PKIB: variants seen among roughly 807,000 people sequenced by gnomAD.
The protein encoded by PKIB is PKI-beta.
In PKIB, 2 loss-of-function variants were observed where a neutral mutation model predicts 4.5. The ratio of observed to expected loss-of-function variants is 0.44; its 90% CI spans 0.18 to 1.39. PKIB has a LOEUF of 1.39. Among genes scored for constraint, PKIB ranks in the 40% most tolerant of loss-of-function variants. PKIB has a pLI of 0.27. For synonymous variants in PKIB, 38 were observed against 36.0 expected (o/e 1.06, Z -0.20); for missense variants, 94 against 92.6 (o/e 1.02, Z -0.06).
rs111793699 is a variant in PKIB, at chr6:122,708,076, A to G, written c.-8-9711A>G. Among the ~76,000 whole-genome samples, 1,416 of 152,336 alleles carry G rather than the reference A, an allele frequency of 9.3e-3. 30 individuals carry two copies. In the East Asian group the frequency reaches 0.097, roughly 10 times the overall value. On this transcript the variant is annotated intron_variant, in intron 3 of 4. Transcript: ENST00000368452. ...ATACATCAATGAAACAACCTACAAA[A>G]ACAAAAGCTCTGCTTTGTGGAGCTT... is the stretch of plus-strand genomic sequence containing the variant.
chr6:122,571,551 C>T (rs1773367723), intron 2 of PKIB, among the ~76,000 whole-genome samples: 1 of 152,202 alleles, frequency 6.6e-6, no homozygotes, highest in African/African-American at 2.4e-5. Context: ...CAGCAGATTT[C>T]TCAGCAGAAA....
intron 3 of PKIB, among the ~76,000 whole-genome samples, chr6:122,683,456 C>T (rs1340714826): frequency 2.0e-5 from 3 of 152,236 alleles, no homozygotes; most frequent in South Asian, 2.1e-4. Context: ...AAGGAATTCA[C>T]CCCCCATGAT....
intron 2 of PKIB, among the ~76,000 whole-genome samples, chr6:122,491,188 T>C (rs548233722): frequency 1.1e-4 from 16 of 152,316 alleles, no homozygotes; most frequent in African/African-American, 3.8e-4. Flanking sequence ...CATACTTCCA[T>C]GGTCTTGCAT....
intron 3 of PKIB, among the ~76,000 whole-genome samples, chr6:122,717,210 A>G (rs1252291934): frequency 2.3e-4 from 1 of 4,424 alleles, no homozygotes; most frequent in African/African-American, 2.5e-4. Context: ...AATAGGTCCT[A>G]CTCTTCAACC....
chr6:122,505,014 C>T (rs963146790), intron 2 of PKIB, among the ~76,000 whole-genome samples: 2 of 152,166 alleles, frequency 1.3e-5, no homozygotes, highest in African/African-American at 4.8e-5. Context: ...TTATTGAGTA[C>T]AATCACTTAG....
intron 2 of PKIB, among the ~76,000 whole-genome samples, chr6:122,498,819 C>G (rs1301585236): frequency 6.6e-6 from 1 of 152,094 alleles, no homozygotes; most frequent in Non-Finnish European, 1.5e-5. Flanking sequence ...TGACCACTAG[C>G]TAGATTAACA....
At chr6:122,505,785 G>A (rs1363477387) in intron 2 of PKIB, among the ~76,000 whole-genome samples, 1 of 152,038 alleles carries the variant, frequency 6.6e-6, no homozygotes, top group African/African-American at 2.4e-5. Flanking sequence ...GAAATCAGAA[G>A]TATTTTAATC....
At position 122,507,478 on chromosome 6, in the gene PKIB, C is replaced by T. The variant is rs150975167; in HGVS notation, c.-248+29539C>T. Among the ~76,000 whole-genome samples the T allele has an allele frequency of 1.7e-4, 26 of 152,192 alleles. 1 individual carries two copies. In the Middle Eastern group the frequency reaches 0.01, roughly 60 times the overall value. On this transcript the variant is annotated intron_variant, in intron 2 of 6. Coordinates refer to the PKIB transcript ENST00000392491. ...GTAATTACCGTATTATAGTCACCAT[C>T]AGGTTACTTGAAGTTAGTGGGTTTT...
intron 2 of PKIB, among the ~76,000 whole-genome samples, chr6:122,520,539 A>T (rs1435191610): frequency 6.6e-6 from 1 of 151,998 alleles, no homozygotes; most frequent in East Asian, 1.9e-4. Flanking sequence ...CTAAGTTCAC[A>T]TGTTTGTGTT....
chr6:122,663,558 C>T (rs1582789628), intron 2 of PKIB, among the ~76,000 whole-genome samples: 2 of 152,264 alleles, frequency 1.3e-5, no homozygotes, highest in South Asian at 4.2e-4. Flanking sequence ...CCCTCTGATG[C>T]CTAGAGGGGA....
At position 122,558,818 on chromosome 6, in the gene PKIB, C is replaced by T. The variant is rs755951117; in HGVS notation, c.-247-27103C>T. ...TTGGTTACATGAGTAAGTTCTTTAG[C>T]GGTGATTTGTGAGATTTTGGTGCAC... On this transcript the variant is annotated intron_variant, in intron 2 of 6. Transcript: ENST00000392491. 6.6e-5 allele frequency among the ~76,000 whole-genome samples: 10 copies of T among 152,040 alleles called. No individual in the cohort carries two copies. The South Asian group carries it at 1.0e-3, about 16-fold the overall frequency.
At chr6:122,544,864 A>G (rs527849990) in intron 2 of PKIB, among the ~76,000 whole-genome samples, 1 of 150,688 alleles carries the variant, frequency 6.6e-6, no homozygotes, top group Non-Finnish European at 1.5e-5. Context: ...GAAGACATAC[A>G]TGTGGCAAAC....
intron 2 of PKIB, among the ~76,000 whole-genome samples, chr6:122,572,695 A>C (rs1244588963): frequency 6.6e-6 from 1 of 151,960 alleles, no homozygotes; most frequent in Non-Finnish European, 1.5e-5. Flanking sequence ...TGGTTCTTTG[A>C]AAAGATAAAC....
intron 3 of PKIB, among the ~76,000 whole-genome samples, chr6:122,699,937 A>G (rs2115023291): frequency 6.6e-6 from 1 of 152,226 alleles, no homozygotes; most frequent in South Asian, 2.1e-4. Flanking sequence ...GGGGGATACC[A>G]TGTTTAAATT....
chr6:122,643,158 T>C (rs751675645), intron 2 of PKIB, among the ~76,000 whole-genome samples: 4 of 152,190 alleles, frequency 2.6e-5, no homozygotes, highest in Non-Finnish European at 5.9e-5. Context: ...GTTCCCTACA[T>C]GTTTTCTAAA....
At chr6:122,494,998 G>A (rs1436290250) in intron 2 of PKIB, among the ~76,000 whole-genome samples, 1 of 152,182 alleles carries the variant, frequency 6.6e-6, no homozygotes, top group Non-Finnish European at 1.5e-5. Flanking sequence ...TTGGACCCTT[G>A]GTGTCAACAG....
chr6:122,610,720 C>G (rs375641477), intron 1 of PKIB, among the ~76,000 whole-genome samples, 185 bp downstream of exon 1: 1 of 152,224 alleles, frequency 6.6e-6, no homozygotes, highest in Non-Finnish European at 1.5e-5. Flanking sequence ...TTGGGCGACC[C>G]GATCCATCGT....
At chr6:122,693,759 C>T (rs1345004358) in intron 3 of PKIB, among the ~76,000 whole-genome samples, 1 of 152,106 alleles carries the variant, frequency 6.6e-6, no homozygotes, top group Non-Finnish European at 1.5e-5. Context: ...TCTTGCCTCT[C>T]GGGAGATTTT....
At chr6:122,604,899 C>G (rs1416413432) in intron 3 of PKIB, among the ~76,000 whole-genome samples, 1 of 152,178 alleles carries the variant, frequency 6.6e-6, no homozygotes, top group African/African-American at 2.4e-5. Flanking sequence ...TAGGAAATTT[C>G]TATTTTAAAT....
Sources: allele counts gnomAD v4.1 joint callset (sites outside exome capture counted in the v4.1 genomes callset), GRCh38; gene constraint gnomAD v4.1.1; transcripts MANE v1.5; gene names NCBI Gene and HGNC (gene_info 2026-07-23, HGNC 2026-07-21).